The following MFSD1 variants were observed in gnomAD, a reference collection of about 807,000 sequenced individuals.
MFSD1 encodes major facilitator superfamily domain containing 1.
MFSD1 carries 59 observed loss-of-function variants against 67.1 expected under a neutral mutation model. The observed-to-expected ratio is 0.88, with a 90% confidence interval of 0.71 to 1.09. MFSD1 has a LOEUF of 1.09. Ranked by LOEUF, MFSD1 falls within the 50% of genes least tolerant of loss-of-function variation. MFSD1 has a pLI of 0.00. For missense variants in MFSD1, 552 were observed against 566.1 expected (o/e 0.97, Z 0.25); for synonymous variants, 213 against 200.3 (o/e 1.06, Z -0.54).
chr3:158,807,464 G>C lies in MFSD1; in HGVS notation c.440+1G>C, dbSNP rs1207086015. 1 of 1,605,888 alleles carries C rather than the reference G, an allele frequency of 6.2e-7. No individual in the cohort carries two copies. The highest frequency in any genetic ancestry group is 1.7e-5 in the Admixed American group (1 of 59,962). On this transcript the variant is annotated splice_donor_variant, in intron 5 of 15. Coordinates refer to ENST00000415822, the MANE Select transcript of MFSD1 (RefSeq NM_022736.4). LOFTEE classifies it high-confidence loss of function. ...TGGAATTTGGAAGATTTGTATTTGG[G>C]TAAGTTATGCATAATTTAATTTATC...
chr3:158,822,271 A>G, intron 11 of MFSD1, 131 bp downstream of exon 11: 1 of 574,742 alleles, frequency 1.7e-6, no homozygotes, highest in Non-Finnish European at 2.9e-6. Flanking sequence ...ACTTGATTCC[A>G]ATATCTACAA....
At chr3:158,807,333 T>A (rs1729779387) in intron 4 of MFSD1, 63 bp from the exon 5 acceptor site, 2 of 1,290,428 alleles carry the variant, frequency 1.5e-6, no homozygotes, top group Non-Finnish European at 2.2e-6. Context: ...ATGTTCCTTT[T>A]GCTTCTCTTT....
In MFSD1 at chr3:158,814,047, T is replaced by G. The variant is rs1490015740; in HGVS notation, c.632T>G (p.Leu211Arg). 6.2e-7 allele frequency: 1 copy of G among 1,612,062 alleles called. No individual in the cohort carries two copies. The highest frequency in any genetic ancestry group is 1.7e-5 in the Admixed American group (1 of 59,912). The change falls in exon 7 of 16, where the codon CTC becomes CGC. Residue 211 changes from leucine to arginine, a missense_variant. Physicochemically the swap from Leu to Arg is moderately radical, Grantham distance 102. Transcript: ENST00000415822. ...TTAGGTTCTGCTGGTCACACAACCC[T>G]CGGGATCACACTTATGATTGGTGAG... Reference protein sequence around the residue: ...ALLGSAGHTTLGITLMIGGIT... With the variant: ...ALLGSAGHTTRGITLMIGGIT...
In MFSD1 at chr3:158,802,149, C is replaced by G; in HGVS notation, c.-4C>G. ...CTTTCCCCTCTCCGTCTCCTGCGGG[C>G]GCAATGGAGGAGGAGGATGAGGAAG... On this transcript the variant is annotated 5_prime_UTR_variant, in exon 1 of 16. Transcript: ENST00000415822. 2 of 1,612,542 alleles carry G rather than the reference C, an allele frequency of 1.2e-6. No homozygotes were observed. The highest frequency in any genetic ancestry group is 8.5e-7 in the Non-Finnish European group (1 of 1,179,692).
At chr3:158,805,799 T>G (rs1045113265) in intron 3 of MFSD1, among the ~76,000 whole-genome samples, 1 of 152,222 alleles carries the variant, frequency 6.6e-6, no homozygotes, top group Non-Finnish European at 1.5e-5. Context: ...CTGAGCTGTT[T>G]GCAGCTTCCT....
rs768655524 is a variant in MFSD1, at chr3:158,819,637, T to C, written c.653-12T>C. 6.5e-6 allele frequency: 9 copies of C among 1,384,712 alleles called. No individual in the cohort carries two copies. The highest frequency in any genetic ancestry group is 8.9e-6 in the Non-Finnish European group (9 of 1,009,704). The allele number at this position is 1,384,712 out of a possible 1,614,324, so 85.8% of individuals were successfully genotyped here. ...CAAAGTCTGTTTTTCTTTTTTTTTT[T>C]TTTTTATTTAGGGGGTATAACGTGT... On this transcript the variant is annotated splice_polypyrimidine_tract_variant and intron_variant, in intron 7 of 15. Coordinates refer to ENST00000415822, the MANE Select transcript of MFSD1 (RefSeq NM_022736.4).
At chr3:158,828,864 G>A (rs984032587) in intron 15 of MFSD1, 115 bp from the exon 16 acceptor site, 102 of 925,616 alleles carry the variant, frequency 1.1e-4, no homozygotes, top group Non-Finnish European at 1.6e-4. Flanking sequence ...AAAAAAATGT[G>A]TAGCTTAGTA....
chr3:158,827,572 G>A (rs934044348), intron 15 of MFSD1, among the ~76,000 whole-genome samples: 2 of 151,840 alleles, frequency 1.3e-5, no homozygotes, highest in Non-Finnish European at 2.9e-5. Context: ...GTGTCAACAT[G>A]TCTGGCTAAT....
intron 9 of MFSD1, among the ~76,000 whole-genome samples, chr3:158,821,055 A>G (rs1438175981): frequency 6.6e-6 from 1 of 152,228 alleles, no homozygotes; most frequent in Non-Finnish European, 1.5e-5. Flanking sequence ...GTGCCTGGGA[A>G]CATCTCCATT....
intron 9 of MFSD1, 97 bp from the exon 10 acceptor site, chr3:158,821,500 A>C (rs1730664869): frequency 2.6e-6 from 2 of 765,846 alleles, no homozygotes; most frequent in Non-Finnish European, 4.4e-6. Flanking sequence ...ATCAAGAAAG[A>C]AGCTGATTAA....
intron 15 of MFSD1, among the ~76,000 whole-genome samples, chr3:158,828,029 C>T (rs1212293584): frequency 6.7e-6 from 1 of 149,724 alleles, no homozygotes; most frequent in Non-Finnish European, 1.5e-5. Context: ...AGGCCTTCGT[C>T]CTGAGGTCCT....
intron 12 of MFSD1, 142 bp from the exon 13 acceptor site, chr3:158,823,982 C>G: frequency 1.4e-6 from 1 of 704,934 alleles, no homozygotes; most frequent in East Asian, 2.5e-5. Context: ...AATCCAAAAT[C>G]TAATCAAGTC....
chr3:158,802,209 C>A lies in MFSD1; in HGVS notation c.57C>A (p.Ala19=), dbSNP rs1309976335. 1 of 1,610,606 alleles carries A rather than the reference C, an allele frequency of 6.2e-7. No individual in the cohort carries two copies. The highest frequency in any genetic ancestry group is 2.2e-5 in the East Asian group (1 of 44,794). ...TCCTGGCAGGCGGCCCTGACGAGGC[C>A]GACAGAGGTGCCCCGGCCGCCCCTG... ...RALLAGGPDE[A]DRGAPAAPGA... Residue 19 remains alanine, a synonymous_variant, in exon 1 of 16, where the codon GCC becomes GCA. Coordinates refer to ENST00000415822, the MANE Select transcript of MFSD1 (RefSeq NM_022736.4).
At position 158,829,020 on chromosome 3, in the gene MFSD1, A is replaced by G. The variant is rs753903159; in HGVS notation, c.*38A>G. 10 of 1,581,466 alleles carry G rather than the reference A, an allele frequency of 6.3e-6. No homozygotes were observed. The East Asian group carries it at 2.3e-4, about 36-fold the overall frequency. ...AATGTGTCATGAGAATGGGCTTAAC[A>G]CATCGTTGGTTTGAAAACTTCCATT... On this transcript the variant is annotated 3_prime_UTR_variant, in exon 16 of 16. Transcript: ENST00000415822.
rs1034446693 is a variant in MFSD1, at chr3:158,817,786, C to T, written c.653-1863C>T. 6.0e-4 allele frequency among the ~76,000 whole-genome samples: 92 copies of T among 152,124 alleles called. 5 individuals carry two copies. The highest frequency in any genetic ancestry group is 4.4e-5 in the Non-Finnish European group (3 of 68,012). Reference sequence around the variant, plus strand: ...TATGGAACGAAAAAAGAGCCCGCATCGCCAAGTCAATCCTAAGCCAAAAGA... The same window carrying T: ...TATGGAACGAAAAAAGAGCCCGCATTGCCAAGTCAATCCTAAGCCAAAAGA... On this transcript the variant is annotated intron_variant, in intron 7 of 15. Coordinates refer to ENST00000415822, the MANE Select transcript of MFSD1 (RefSeq NM_022736.4).
chr3:158,823,231 A>G (rs1730766251), intron 11 of MFSD1, 197 bp from the exon 12 acceptor site: 1 of 565,900 alleles, frequency 1.8e-6, no homozygotes, highest in Non-Finnish European at 3.2e-6. Flanking sequence ...GACAGCATGT[A>G]TCTTGTCGCT....
In MFSD1 at chr3:158,802,211, A is replaced by C; in HGVS notation, c.59A>C (p.Asp20Ala). Residue 20 changes from aspartate to alanine, a missense_variant, in exon 1 of 16, where the codon GAC becomes GCC. Coordinates refer to ENST00000415822, the MANE Select transcript of MFSD1 (RefSeq NM_022736.4). ...ALLAGGPDEA[D>A]RGAPAAPGAL... ...CTGGCAGGCGGCCCTGACGAGGCCG[A>C]CAGAGGTGCCCCGGCCGCCCCTGGA... 1.2e-5 allele frequency: 19 copies of C among 1,610,818 alleles called. No individual in the cohort carries two copies. Among genetic ancestry groups the C allele is most frequent in the Non-Finnish European group, 1.6e-5 (19 of 1,179,084 alleles).
intron 7 of MFSD1, among the ~76,000 whole-genome samples, chr3:158,817,273 A>G (rs1730415339): frequency 6.6e-6 from 1 of 152,192 alleles, no homozygotes; most frequent in African/African-American, 2.4e-5. Flanking sequence ...AGAAGGAAAT[A>G]AAGGGTATTC....
chr3:158,804,155 G>C, intron 1 of MFSD1, 164 bp from the exon 2 acceptor site: 1 of 547,864 alleles, frequency 1.8e-6, no homozygotes, highest in Non-Finnish European at 3.2e-6. Context: ...GAAGTTATTT[G>C]ATATAACTTA....
Sources: gnomAD v4.1 joint callset for allele counts (sites outside exome capture counted in the v4.1 genomes callset) on GRCh38, gnomAD v4.1.1 for gene constraint, MANE v1.5 for transcripts, NCBI Gene and HGNC (gene_info 2026-07-23, HGNC 2026-07-21) for gene names.